The following SDK1 variants were observed in gnomAD, a reference collection of about 807,000 sequenced individuals.
SDK1 encodes sidekick cell adhesion molecule 1.
In SDK1, 157 loss-of-function variants were observed where a neutral mutation model predicts 245.5. The ratio of observed to expected loss-of-function variants is 0.64; its 90% CI spans 0.56 to 0.73. The LOEUF is 0.73. Ranked by LOEUF, SDK1 falls within the 30% of genes least tolerant of loss-of-function variation. SDK1 has a pLI of 0.00. For missense variants in SDK1, 3,583 were observed against 3,002.3 expected, an observed-to-expected ratio of 1.19 and a Z score of -4.52; for synonymous variants, 1,647 against 1,278.5, an observed-to-expected ratio of 1.29 and a Z score of -6.15.
At chr7:3,585,258 T>A (rs1780647589) in intron 1 of SDK1, among the ~76,000 whole-genome samples, 1 of 152,154 alleles carries the variant, frequency 6.6e-6, no homozygotes, top group Non-Finnish European at 1.5e-5. Context: ...AACTCAGACA[T>A]TGAGCTTTAA....
In SDK1 at chr7:4,149,324, C is replaced by A; in HGVS notation, c.4486C>A (p.Arg1496=). 1.3e-6 allele frequency: 2 copies of A among 1,591,610 alleles called. No homozygotes were observed. The highest frequency in any genetic ancestry group is 1.7e-6 in the Non-Finnish European group (2 of 1,169,360). ...PQAEVTARSL[R]LQWVPGSDGA... ...GGCAGAAGTGACCGCACGCAGCCTCCGGCTCCAGTGGGTCCCGGGCAGCGA... is the reference window on the plus strand; with the variant it reads ...GGCAGAAGTGACCGCACGCAGCCTCAGGCTCCAGTGGGTCCCGGGCAGCGA... Residue 1496 remains arginine (R), a synonymous_variant, in exon 30 of 45, where the codon CGG becomes AGG. Transcript: ENST00000404826.
intron 1 of SDK1, among the ~76,000 whole-genome samples, chr7:3,444,849 A>G (rs904028418): frequency 2.0e-5 from 3 of 152,212 alleles, no homozygotes; most frequent in African/African-American, 7.2e-5. Context: ...CCCTACCTGC[A>G]TGGTTTGAAT....
At chr7:3,426,539 G>A (rs1471103716) in intron 1 of SDK1, among the ~76,000 whole-genome samples, 1 of 152,192 alleles carries the variant, frequency 6.6e-6, no homozygotes, top group African/African-American at 2.4e-5. Flanking sequence ...ATACATAGAT[G>A]TAAAACCCAT....
At chr7:4,201,753 A>G (rs1244097759) in intron 35 of SDK1, among the ~76,000 whole-genome samples, 1 of 151,910 alleles carries the variant, frequency 6.6e-6, no homozygotes, top group Non-Finnish European at 1.5e-5. Flanking sequence ...GATGACTGGC[A>G]TGGCACAGGG....
In SDK1 at chr7:3,884,234, C is replaced by G. The variant is rs1313147481; in HGVS notation, c.847+62651C>G. On this transcript the variant is annotated intron_variant, in intron 5 of 44. Transcript: ENST00000404826. ...GCATGGGGATTACAGGCGTGAGCCA[C>G]TGCACCCGGCCGCCTTTCTTTCCTT... Among the ~76,000 whole-genome samples the G allele has an allele frequency of 2.0e-5, 3 of 152,252 alleles. No homozygotes were observed. In the East Asian group the frequency reaches 5.8e-4, roughly 29 times the overall value.
At chr7:4,202,935 TCTC>T (rs1288087572) in intron 35 of SDK1, among the ~76,000 whole-genome samples, 21 of 152,222 alleles carry the variant, frequency 1.4e-4, no homozygotes, top group Admixed American at 3.9e-4. Context: ...CTGCTGGTGC[TCTC>T]CACCCACCAG....
chr7:3,921,299 TATC>T (rs1263982379), intron 5 of SDK1, among the ~76,000 whole-genome samples: 7 of 152,250 alleles, frequency 4.6e-5, no homozygotes, highest in African/African-American at 1.7e-4. Flanking sequence ...TTAACTATGT[TATC>T]ATTTTCAATA....
intron 38 of SDK1, among the ~76,000 whole-genome samples, chr7:4,211,104 A>G (rs1365684490): frequency 1.3e-5 from 2 of 152,154 alleles, no homozygotes; most frequent in East Asian, 3.9e-4. Context: ...CAGGAGCAGG[A>G]GGACCTGACC....
intron 1 of SDK1, among the ~76,000 whole-genome samples, chr7:3,443,463 T>A (rs1315816875): frequency 6.6e-6 from 1 of 152,212 alleles, no homozygotes; most frequent in Non-Finnish European, 1.5e-5. Flanking sequence ...TAATAAAATT[T>A]GTATACCCTG....
At chr7:4,143,213 C>T (rs754395459) in intron 28 of SDK1, among the ~76,000 whole-genome samples, 18 of 152,250 alleles carry the variant, frequency 1.2e-4, no homozygotes, top group Non-Finnish European at 1.8e-4. Flanking sequence ...TAAGGCACCA[C>T]GCCCATATCA....
At chr7:3,415,778 C>A (rs903164051) in intron 1 of SDK1, among the ~76,000 whole-genome samples, 1 of 151,590 alleles carries the variant, frequency 6.6e-6, no homozygotes, top group Non-Finnish European at 1.5e-5. Context: ...TACATTTCTT[C>A]GGAGTAGGGA....
At chr7:4,151,923 C>T (rs766799500) in intron 30 of SDK1, among the ~76,000 whole-genome samples, 17 of 152,232 alleles carry the variant, frequency 1.1e-4, no homozygotes, top group Non-Finnish European at 2.4e-4. Flanking sequence ...ACACAGTCCA[C>T]GTCCTACAGT....
chr7:4,150,259 A>G (rs1375233527), intron 30 of SDK1, among the ~76,000 whole-genome samples: 1 of 152,042 alleles, frequency 6.6e-6, no homozygotes, highest in African/African-American at 2.4e-5. Flanking sequence ...GCCACCCGGG[A>G]CACCCGCCTT....
At chr7:3,475,414 C>T (rs1217317167) in intron 1 of SDK1, among the ~76,000 whole-genome samples, 1 of 152,222 alleles carries the variant, frequency 6.6e-6, no homozygotes, top group African/African-American at 2.4e-5. Flanking sequence ...TGTGGGGCTC[C>T]TCCAGAGCAG....
In SDK1 at chr7:3,479,339, T is replaced by A. The variant is rs1421482980; in HGVS notation, c.299-139741T>A. On this transcript the variant is annotated intron_variant, in intron 1 of 44. Transcript: ENST00000404826. ...TGGGAGGCTGAGGCAGGAGAATCGATTGAACCCGGGAGGTAGAGGTTGCAG... is the reference window on the plus strand; with the variant it reads ...TGGGAGGCTGAGGCAGGAGAATCGAATGAACCCGGGAGGTAGAGGTTGCAG... 5.4e-5 allele frequency among the ~76,000 whole-genome samples: 8 copies of A among 147,004 alleles called. No individual in the cohort carries two copies. In the East Asian group the frequency reaches 1.6e-3, roughly 30 times the overall value.
chr7:3,605,964 TG>T (rs1211791236), intron 1 of SDK1, among the ~76,000 whole-genome samples: 2 of 152,184 alleles, frequency 1.3e-5, no homozygotes, highest in Non-Finnish European at 1.5e-5. Flanking sequence ...TAATTCCAGA[TG>T]TTACTTTTGA....
At chr7:3,751,596 G>A (rs980716156) in intron 4 of SDK1, among the ~76,000 whole-genome samples, 1 of 152,138 alleles carries the variant, frequency 6.6e-6, no homozygotes, top group African/African-American at 2.4e-5. Flanking sequence ...CATGGTCAGG[G>A]ACAATTCTGA....
chr7:3,479,790 A>C (rs35153911), intron 1 of SDK1, among the ~76,000 whole-genome samples: 57,693 of 151,114 alleles, frequency 0.38, 12,231 homozygotes, highest in East Asian at 0.51. Flanking sequence ...TGAAACTGGG[A>C]GGCAGAGGTT....
At chr7:3,754,279 T>C (rs1294008936) in intron 4 of SDK1, among the ~76,000 whole-genome samples, 3 of 152,246 alleles carry the variant, frequency 2.0e-5, no homozygotes, top group Non-Finnish European at 4.4e-5. Context: ...TTTCTTAATG[T>C]ATTACACCCT....
Sources: gnomAD v4.1 joint callset for allele counts (sites outside exome capture counted in the v4.1 genomes callset) on GRCh38, gnomAD v4.1.1 for gene constraint, MANE v1.5 for transcripts, NCBI Gene and HGNC (gene_info 2026-07-23, HGNC 2026-07-21) for gene names.